Variants in MGAT5 observed in about 807,000 individuals in gnomAD.
The protein encoded by MGAT5 is alpha-1,6-mannosylglycoprotein 6-beta-N-acetylglucosaminyltransferase A.
MGAT5 carries 30 observed loss-of-function variants against 94.3 expected under a neutral mutation model. The observed-to-expected ratio is 0.32, with a 90% CI of 0.24 to 0.43. The LOEUF (loss-of-function observed/expected upper bound fraction) is 0.43, where lower values mean the gene tolerates loss of function less well. MGAT5 is among the 20% of genes least tolerant of loss of function. The pLI is 1.00. For missense variants in MGAT5, 691 were observed against 905.5 expected, an observed-to-expected ratio of 0.76 and a Z score of 3.04; for synonymous variants, 310 against 322.9, an observed-to-expected ratio of 0.96 and a Z score of 0.43.
At chr2:134,445,538 G>A (rs537251547) in intron 15 of MGAT5, among the ~76,000 whole-genome samples, 1 of 152,294 alleles carries the variant, frequency 6.6e-6, no homozygotes, top group African/African-American at 2.4e-5. Context: ...TCTGTGTCAG[G>A]AAGGGACTGG....
intron 10 of MGAT5, among the ~76,000 whole-genome samples, chr2:134,390,462 T>C (rs1031694631): frequency 6.6e-6 from 1 of 152,242 alleles, no homozygotes; most frequent in Non-Finnish European, 1.5e-5. Flanking sequence ...CATTAACTCG[T>C]CATTTACATT....
intron 1 of MGAT5, among the ~76,000 whole-genome samples, chr2:134,196,805 A>G (rs1362103380): frequency 1.3e-5 from 2 of 152,214 alleles, no homozygotes; most frequent in African/African-American, 2.4e-5. Flanking sequence ...GTGGCCCAAG[A>G]CAGTTCTTCT....
chr2:134,375,595 T>C (rs565653034), intron 10 of MGAT5, among the ~76,000 whole-genome samples: 110 of 152,366 alleles, frequency 7.2e-4, no homozygotes, highest in African/African-American at 2.4e-3. Context: ...TATTAGGAAC[T>C]TACTTGCGTA....
At chr2:134,310,131 C>T (rs956643003) in intron 2 of MGAT5, among the ~76,000 whole-genome samples, 1 of 152,266 alleles carries the variant, frequency 6.6e-6, no homozygotes, top group South Asian at 2.1e-4. Flanking sequence ...ACAGGCAGTA[C>T]TGTAGCTTCT....
intron 2 of MGAT5, among the ~76,000 whole-genome samples, chr2:134,304,472 A>G (rs1319272853): frequency 6.6e-6 from 1 of 152,120 alleles, no homozygotes; most frequent in Non-Finnish European, 1.5e-5. Context: ...GAAACGAACA[A>G]ATTCCCAGGC....
At chr2:134,163,230 T>C (rs1236497093) in intron 1 of MGAT5, among the ~76,000 whole-genome samples, 21 of 152,114 alleles carry the variant, frequency 1.4e-4, no homozygotes. Context: ...AAAAGGTAGA[T>C]TTCTTAGTTA....
At chr2:134,122,755 G>A (rs1685675305) in intron 1 of MGAT5, among the ~76,000 whole-genome samples, 1 of 152,230 alleles carries the variant, frequency 6.6e-6, no homozygotes, top group Non-Finnish European at 1.5e-5. Flanking sequence ...TTAGGAGAAA[G>A]GAATCTGCAG....
At chr2:134,140,326 G>A (rs1030934664) in intron 1 of MGAT5, among the ~76,000 whole-genome samples, 4 of 152,266 alleles carry the variant, frequency 2.6e-5, no homozygotes, top group Middle Eastern at 3.2e-3. Flanking sequence ...GAGATGGGAC[G>A]ATGTGGAGCA....
intron 14 of MGAT5, among the ~76,000 whole-genome samples, chr2:134,433,836 T>C (rs1164925816): frequency 2.0e-5 from 3 of 147,166 alleles, no homozygotes; most frequent in Admixed American, 6.7e-5. Flanking sequence ...CTACCAACTT[T>C]TTTTTTTTTT....
intron 6 of MGAT5, 53 bp from the exon 7 acceptor site, chr2:134,341,537 T>G: frequency 6.9e-7 from 1 of 1,442,628 alleles, no homozygotes; most frequent in Non-Finnish European, 9.4e-7. Context: ...CGCATTACTG[T>G]GCCTTTTGTA....
At chr2:134,180,956 C>T (rs530510696) in intron 1 of MGAT5, among the ~76,000 whole-genome samples, 5 of 152,308 alleles carry the variant, frequency 3.3e-5, no homozygotes, top group South Asian at 2.1e-4. Context: ...ACTTTCTCAG[C>T]GATACCCTGT....
At chr2:134,245,289 G>A (rs1164150230) in intron 1 of MGAT5, among the ~76,000 whole-genome samples, 3 of 152,218 alleles carry the variant, frequency 2.0e-5, no homozygotes, top group African/African-American at 4.8e-5. Flanking sequence ...GATTACAGGC[G>A]TGAGCCACAG....
intron 1 of MGAT5, among the ~76,000 whole-genome samples, chr2:134,217,267 G>T (rs908655068): frequency 5.9e-5 from 9 of 151,736 alleles, no homozygotes; most frequent in Non-Finnish European, 1.0e-4. Context: ...GTGTGTGTGT[G>T]TGTAAAATAT....
chr2:134,251,476 C>T (rs945414887), upstream of MGAT5, among the ~76,000 whole-genome samples: 2 of 152,156 alleles, frequency 1.3e-5, no homozygotes, highest in Admixed American at 6.5e-5. Flanking sequence ...TTTATTGTGC[C>T]ACTGTGGTCA....
At chr2:134,376,357 C>T (rs1033497249) in intron 10 of MGAT5, among the ~76,000 whole-genome samples, 5 of 151,940 alleles carry the variant, frequency 3.3e-5, no homozygotes, top group Non-Finnish European at 5.9e-5. Context: ...TTTTCTTTAC[C>T]GTTTTTAAAA....
chr2:134,363,769 T>A (rs1442137042), intron 10 of MGAT5, among the ~76,000 whole-genome samples: 1 of 152,212 alleles, frequency 6.6e-6, no homozygotes, highest in African/African-American at 2.4e-5. Context: ...TGAAAGTCAG[T>A]CTAGATTGTA....
intron 1 of MGAT5, among the ~76,000 whole-genome samples, chr2:134,240,543 TTA>T (rs58938423): frequency 0.083 from 12,683 of 152,094 alleles, 562 homozygotes; most frequent in East Asian, 0.14. Context: ...TTTTGGACCA[TTA>T]TATGTTACAT....
chr2:134,296,453 C>CTT (rs796945889), intron 2 of MGAT5, among the ~76,000 whole-genome samples: 1 of 151,212 alleles, frequency 6.6e-6, no homozygotes, highest in African/African-American at 2.4e-5. Context: ...GTTAAATATT[C>CTT]TTTTTTTTTC....
In MGAT5 at chr2:134,338,321, G is replaced by A. The variant is rs200192196; in HGVS notation, c.708G>A (p.Arg236=). The A allele has an allele frequency of 2.9e-5, 46 of 1,613,002 alleles. No homozygotes were observed. The highest frequency in any genetic ancestry group is 1.6e-4 in the Middle Eastern group (1 of 6,076). ...TGATGAAAAAGCATGAAGAATTCCG[G>A]TGGATGAGACTACGGATCCGGCGAA... ...YSMMKKHEEF[R]WMRLRIRRMA... is the part of the protein sequence containing the mutation. Residue 236 remains arginine (R), a synonymous_variant, in exon 6 of 16, where the codon CGG becomes CGA. Transcript: ENST00000281923.
Sources: allele counts gnomAD v4.1 joint callset (sites outside exome capture counted in the v4.1 genomes callset), GRCh38; gene constraint gnomAD v4.1.1; transcripts MANE v1.5; gene names NCBI Gene and HGNC (gene_info 2026-07-23, HGNC 2026-07-21).